DPH6: variants seen among roughly 807,000 people sequenced by gnomAD.
DPH6 encodes diphthine--ammonia ligase.
Under a neutral mutation model 38.2 loss-of-function variants are expected in DPH6, and 33 were observed. The observed-to-expected ratio is 0.86, with a 90% CI of 0.65 to 1.15. The LOEUF is 1.15. DPH6 is among the 50% of genes most tolerant of loss of function. The probability of loss-of-function intolerance (pLI) is 0.00; values close to 1 mark genes in which losing one functional copy is unlikely to be tolerated. For synonymous variants in DPH6, 108 were observed against 103.0 expected (o/e 1.05, Z -0.30); for missense variants, 325 against 320.0 (o/e 1.02, Z -0.12).
intron 3 of DPH6, among the ~76,000 whole-genome samples, chr15:35,318,792 A>T (rs1438154787): frequency 6.6e-6 from 1 of 152,172 alleles, no homozygotes; most frequent in Non-Finnish European, 1.5e-5. Context: ...TATTTATTTT[A>T]AAAAATGTGT....
chr15:35,495,079 T>C (rs1235759403), intron 3 of DPH6, among the ~76,000 whole-genome samples: 1 of 152,152 alleles, frequency 6.6e-6, no homozygotes, highest in Non-Finnish European at 1.5e-5. Flanking sequence ...ATGTCACCAA[T>C]ATAATTTGAT....
chr15:35,234,128 T>C (rs748972985), intron 3 of DPH6, among the ~76,000 whole-genome samples: 2 of 152,192 alleles, frequency 1.3e-5, no homozygotes, highest in Non-Finnish European at 2.9e-5. Flanking sequence ...GTTGAGTGAA[T>C]GCATGAAGAA....
chr15:35,309,191 C>T (rs142771560), intron 3 of DPH6, among the ~76,000 whole-genome samples: 1 of 152,292 alleles, frequency 6.6e-6, no homozygotes, highest in East Asian at 1.9e-4. Context: ...TCATTCCATT[C>T]TAGCAGCTAG....
Position 35,237,928 on chromosome 15 carries a change from AGAG to A in DPH6, n.201-17349_201-17347del, listed in dbSNP as rs560600149. ...AAGGTGAAGAGGAGGACGTGAGTGG[AGAG>A]GAGGAGGAGGATGAAAAAGGTTATA... On this transcript the variant is annotated intron_variant and non_coding_transcript_variant, in intron 3 of 3. Transcript: ENST00000560386. 208 of 1,386,158 alleles carry A rather than the reference AGAG, an allele frequency of 1.5e-4. No homozygotes were observed. The East Asian group carries it at 2.0e-3, about 13-fold the overall frequency. The allele number at this position is 1,386,158 out of a possible 1,614,324, so 85.9% of individuals were successfully genotyped here.
At chr15:35,484,545 G>T (rs1376058786) in intron 3 of DPH6, among the ~76,000 whole-genome samples, 4 of 152,204 alleles carry the variant, frequency 2.6e-5, no homozygotes, top group Non-Finnish European at 5.9e-5. Context: ...GTTAGCCAGA[G>T]GCCTCCCTCA....
chr15:35,192,656 A>G, the DPH6 span, among the ~76,000 whole-genome samples: 1 of 152,198 alleles, frequency 6.6e-6, no homozygotes, highest in Non-Finnish European at 1.5e-5. Context: ...AAGCTTGAGC[A>G]CTGATCTTTA....
chr15:35,285,124 A>T (rs919865006), intron 3 of DPH6, among the ~76,000 whole-genome samples: 1 of 152,072 alleles, frequency 6.6e-6, no homozygotes, highest in Non-Finnish European at 1.5e-5. Context: ...ATGTATATAC[A>T]TTGGGATGCA....
chr15:35,477,839 C>T (rs1363823788), intron 3 of DPH6, among the ~76,000 whole-genome samples: 2 of 151,862 alleles, frequency 1.3e-5, no homozygotes, highest in Non-Finnish European at 2.9e-5. Context: ...TAGTATATTA[C>T]ATGCACTGTA....
At chr15:35,430,985 A>C (rs896381827) in intron 5 of DPH6, among the ~76,000 whole-genome samples, 2 of 152,180 alleles carry the variant, frequency 1.3e-5, no homozygotes, top group African/African-American at 4.8e-5. Context: ...AAAACCTCCT[A>C]CTTCCAGTTC....
the DPH6 span, among the ~76,000 whole-genome samples, chr15:35,146,195 G>A: frequency 8.6e-5 from 13 of 151,258 alleles, no homozygotes; most frequent in South Asian, 2.1e-4. Context: ...TGAAAGTAAC[G>A]TTACTTTTAT....
intron 6 of DPH6, among the ~76,000 whole-genome samples, chr15:35,398,649 TAA>T (rs2053178436): frequency 6.6e-6 from 1 of 152,194 alleles, no homozygotes. Context: ...TAAATGTAAG[TAA>T]AGTGTTTCCC....
chr15:35,264,549 A>C (rs2051771352), intron 3 of DPH6, among the ~76,000 whole-genome samples: 1 of 152,166 alleles, frequency 6.6e-6, no homozygotes, highest in Admixed American at 6.5e-5. Flanking sequence ...TACTATTTTT[A>C]ATTTTAATTG....
intron 3 of DPH6, among the ~76,000 whole-genome samples, chr15:35,307,041 A>T (rs1424754054): frequency 2.0e-5 from 3 of 152,220 alleles, no homozygotes; most frequent in Admixed American, 6.5e-5. Flanking sequence ...ATGACTGTGC[A>T]CAGTACAATC....
intron 5 of DPH6, among the ~76,000 whole-genome samples, chr15:35,417,444 A>G (rs1316395535): frequency 1.3e-5 from 2 of 152,054 alleles, no homozygotes; most frequent in Non-Finnish European, 2.9e-5. Flanking sequence ...GGGTCATATT[A>G]GCATCAATAA....
chr15:35,488,905 T>C (rs1001597094), intron 3 of DPH6, among the ~76,000 whole-genome samples: 3 of 152,182 alleles, frequency 2.0e-5, no homozygotes, highest in African/African-American at 7.2e-5. Flanking sequence ...TACTGCAAGT[T>C]TGTGCACAGC....
intron 5 of DPH6, among the ~76,000 whole-genome samples, chr15:35,429,082 C>T (rs1386061702): frequency 6.6e-6 from 1 of 152,070 alleles, no homozygotes; most frequent in Non-Finnish European, 1.5e-5. Context: ...AGAATACTGC[C>T]TTTTCCTTAA....
At chr15:35,523,275 C>T (rs983785834) in intron 3 of DPH6, among the ~76,000 whole-genome samples, 26 of 120,360 alleles carry the variant, frequency 2.2e-4, no homozygotes, top group Non-Finnish European at 3.3e-4. Context: ...TTTGAATGTA[C>T]TTCTCTGTGA....
intron 3 of DPH6, among the ~76,000 whole-genome samples, chr15:35,284,963 C>A (rs999123968): frequency 1.3e-5 from 2 of 151,842 alleles, no homozygotes; most frequent in Non-Finnish European, 2.9e-5. Flanking sequence ...TAGGTGCACA[C>A]CATGCTCAGC....
At chr15:35,339,022 G>A (rs1268304025) in intron 3 of DPH6, among the ~76,000 whole-genome samples, 3 of 151,996 alleles carry the variant, frequency 2.0e-5, no homozygotes, top group Non-Finnish European at 4.4e-5. Flanking sequence ...TCACACACTG[G>A]GGCCTGTTGT....
Sources: allele counts gnomAD v4.1 joint callset (sites outside exome capture counted in the v4.1 genomes callset), GRCh38; gene constraint gnomAD v4.1.1; transcripts MANE v1.5; gene names NCBI Gene and HGNC (gene_info 2026-07-23, HGNC 2026-07-21).